GRK5: variants seen among roughly 807,000 people sequenced by gnomAD.
The protein encoded by GRK5 is g protein-coupled receptor kinase GRK5.
GRK5 carries 40 observed loss-of-function variants against 78.4 expected under a neutral mutation model. The ratio of observed to expected loss-of-function variants is 0.51; its 90% confidence interval spans 0.40 to 0.66. GRK5 has a LOEUF of 0.66. Among genes scored for constraint, GRK5 ranks in the 30% least tolerant of loss-of-function variants. The pLI, the probability that GRK5 is intolerant of heterozygous loss-of-function variation, is 0.00. For synonymous variants in GRK5, 289 were observed against 296.8 expected (o/e 0.97, Z 0.27); for missense variants, 598 against 759.9 (o/e 0.79, Z 2.50).
At chr10:119,415,081 CAAAAAAAA>C (rs762165768) in intron 4 of GRK5, among the ~76,000 whole-genome samples, 3 of 75,734 alleles carry the variant, frequency 4.0e-5, no homozygotes, top group African/African-American at 1.4e-4. Flanking sequence ...GACTCTGTCT[CAAAAAAAA>C]AAAAAAAAAA....
intron 2 of GRK5, among the ~76,000 whole-genome samples, chr10:119,352,521 G>A (rs891977112): frequency 2.4e-4 from 37 of 152,172 alleles, no homozygotes; most frequent in African/African-American, 7.5e-4. Flanking sequence ...ACTGCTTCTC[G>A]TTGAAGCTGT....
chr10:119,318,764 CT>C (rs1174524499), intron 1 of GRK5, among the ~76,000 whole-genome samples: 4 of 152,176 alleles, frequency 2.6e-5, no homozygotes, highest in Non-Finnish European at 4.4e-5. Flanking sequence ...CAGCTTCTCC[CT>C]TCTGTTCTCC....
intron 2 of GRK5, among the ~76,000 whole-genome samples, chr10:119,357,936 C>T (rs923209790): frequency 1.3e-5 from 2 of 152,106 alleles, no homozygotes; most frequent in African/African-American, 4.8e-5. Context: ...GCCTCCCAAG[C>T]CAGGGGTGGG....
At chr10:119,317,458 T>A (rs1392516060) in intron 1 of GRK5, among the ~76,000 whole-genome samples, 1 of 147,190 alleles carries the variant, frequency 6.8e-6, no homozygotes, top group Non-Finnish European at 1.5e-5. Flanking sequence ...TGGGGGAGAG[T>A]TGGGGGGAAG....
intron 13 of GRK5, among the ~76,000 whole-genome samples, chr10:119,449,724 G>A (rs1853237521): frequency 6.6e-6 from 1 of 152,226 alleles, no homozygotes; most frequent in South Asian, 2.1e-4. Flanking sequence ...AGGAGGCAGA[G>A]GTTGCAGTGA....
At chr10:119,406,104 G>A (rs4752300) in intron 4 of GRK5, among the ~76,000 whole-genome samples, 72,680 of 152,074 alleles carry the variant, frequency 0.48, 19,449 homozygotes, top group Middle Eastern at 0.66. Context: ...CACTGCCTGC[G>A]ACTTTCTACT....
At chr10:119,376,720 A>G (rs964739926) in intron 2 of GRK5, among the ~76,000 whole-genome samples, 1 of 152,054 alleles carries the variant, frequency 6.6e-6, no homozygotes, top group Admixed American at 6.5e-5. Context: ...GCCTGCCACC[A>G]CGCCTGGCTA....
In GRK5 at chr10:119,378,715, G is replaced by C. The variant is rs542413028; in HGVS notation, c.149-2100G>C. Among the ~76,000 whole-genome samples the C allele has an allele frequency of 6.6e-6, 1 of 152,362 alleles. No homozygotes were observed. Among genetic ancestry groups the C allele is most frequent in the Non-Finnish European group, 1.5e-5 (1 of 68,030 alleles). The stretch of plus-strand genomic sequence containing the variant: ...GCTGCGTGGGGGGAAGGCGGTCTCA[G>C]CAGCCCTCGGCTGACCAGTCATCCC... On this transcript the variant is annotated intron_variant, in intron 2 of 15. Transcript: ENST00000392870. The surrounding 1 kb of genome is among the most constrained non-coding windows in gnomAD (Gnocchi z 4.5).
In GRK5 at chr10:119,455,453, GA is replaced by G; in HGVS notation, c.*389del. The G allele has an allele frequency of 2.6e-6, 1 of 389,788 alleles. No individual in the cohort carries two copies. The highest frequency in any genetic ancestry group is 7.1e-5 in the East Asian group (1 of 14,024). The allele number at this position is 389,788 out of a possible 1,614,324, so 24.1% of individuals were successfully genotyped here. Reference sequence around the variant, plus strand: ...ACATTTTGTATATTTGTATTTAAATGAAAGTGAGACTTTGAGGGTGTATATT... The same window carrying G: ...ACATTTTGTATATTTGTATTTAAATGAAGTGAGACTTTGAGGGTGTATATT... On this transcript the variant is annotated 3_prime_UTR_variant, in exon 16 of 16. Transcript: ENST00000392870.
chr10:119,423,875 T>TGATC (rs781736592), intron 5 of GRK5, among the ~76,000 whole-genome samples: 2 of 152,190 alleles, frequency 1.3e-5, no homozygotes, highest in African/African-American at 2.4e-5. Flanking sequence ...CATAGTTGGA[T>TGATC]GATCTTAGGG....
intron 2 of GRK5, among the ~76,000 whole-genome samples, chr10:119,359,165 G>A (rs567117831): frequency 1.5e-4 from 23 of 152,300 alleles, no homozygotes; most frequent in African/African-American, 5.5e-4. Flanking sequence ...CATCAGAGGA[G>A]CCATTTGGAG....
intron 2 of GRK5, among the ~76,000 whole-genome samples, chr10:119,370,660 G>A (rs4752297): frequency 0.021 from 3,191 of 152,218 alleles, 121 homozygotes; most frequent in East Asian, 0.13. Flanking sequence ...CTTTTTCCTC[G>A]GAGCAAACGC....
At chr10:119,215,872 A>T (rs998160089) in intron 1 of GRK5, among the ~76,000 whole-genome samples, 2 of 152,240 alleles carry the variant, frequency 1.3e-5, no homozygotes, top group African/African-American at 4.8e-5. Flanking sequence ...CAGAAAGAAT[A>T]GAAAGAAACC....
At chr10:119,328,831 G>T (rs1237796163) in intron 2 of GRK5, among the ~76,000 whole-genome samples, 1 of 152,202 alleles carries the variant, frequency 6.6e-6, no homozygotes, top group East Asian at 1.9e-4. Flanking sequence ...AGGTGGTGAT[G>T]CCAGGAGTGC....
At chr10:119,438,380 C>A (rs917986865) in intron 9 of GRK5, among the ~76,000 whole-genome samples, 39 of 152,292 alleles carry the variant, frequency 2.6e-4, no homozygotes, top group African/African-American at 9.1e-4. Flanking sequence ...TCCTGGCAGA[C>A]CCCGACACGC....
At chr10:119,254,369 A>G (rs149138986) in intron 1 of GRK5, among the ~76,000 whole-genome samples, 54 of 151,650 alleles carry the variant, frequency 3.6e-4, no homozygotes, top group Middle Eastern at 3.4e-3. Context: ...TAGACAGTGT[A>G]TTGTGATAAG....
chr10:119,424,867 A>G, intron 5 of GRK5, 126 bp from the exon 6 acceptor site: 1 of 701,762 alleles, frequency 1.4e-6, no homozygotes, highest in Non-Finnish European at 2.6e-6. Context: ...CTCTGGCCAG[A>G]CGTGCTGCAT....
chr10:119,220,979 C>A (rs1415500145), intron 1 of GRK5, among the ~76,000 whole-genome samples: 1 of 152,056 alleles, frequency 6.6e-6, no homozygotes, highest in Non-Finnish European at 1.5e-5. Context: ...CATGGCAAAA[C>A]CCTGTCTCTA....
At chr10:119,331,830 C>A (rs1850785077) in intron 2 of GRK5, among the ~76,000 whole-genome samples, 1 of 152,220 alleles carries the variant, frequency 6.6e-6, no homozygotes, top group Non-Finnish European at 1.5e-5. Context: ...AATCATTCTC[C>A]TGCTGAAACC....
Sources: gnomAD v4.1 joint callset for allele counts (sites outside exome capture counted in the v4.1 genomes callset) on GRCh38, gnomAD v4.1.1 for gene constraint, Gnocchi (gnomAD v3.1) non-coding constraint, MANE v1.5 for transcripts, NCBI Gene and HGNC (gene_info 2026-07-23, HGNC 2026-07-21) for gene names.